The following MFN1 variants were observed in gnomAD, a reference collection of about 807,000 sequenced individuals.
MFN1 encodes mitofusin-1.
Under a neutral mutation model 92.4 loss-of-function variants are expected in MFN1, and 65 were observed. The ratio of observed to expected loss-of-function variants is 0.70; its 90% CI spans 0.58 to 0.86. The LOEUF (loss-of-function observed/expected upper bound fraction) is 0.86, where lower values mean the gene tolerates loss of function less well. Among genes scored for constraint, MFN1 ranks in the 40% least tolerant of loss-of-function variants. MFN1 has a pLI of 0.00. For missense variants in MFN1, 781 were observed against 868.0 expected (o/e 0.90, Z 1.26); for synonymous variants, 297 against 300.9 (o/e 0.99, Z 0.13).
rs544530685 is a variant in MFN1 at position 179,381,156 on chromosome 3, T to C, written c.1662+2342T>C. 2.1e-3 allele frequency among the ~76,000 whole-genome samples: 313 copies of C among 152,304 alleles called. 1 individual carries two copies. The highest frequency in any genetic ancestry group is 3.3e-3 in the Non-Finnish European group (225 of 68,016). On this transcript the variant is annotated intron_variant, in intron 14 of 17. Transcript: ENST00000471841. The stretch of plus-strand genomic sequence containing the variant: ...GAACAACTGCCTATAGGCAGCATGG[T>C]GATGGGCTTATTGAAGCACTAGAGC...
At chr3:179,374,836 C>CAAG (rs1713176346) in intron 9 of MFN1, among the ~76,000 whole-genome samples, 1 of 152,070 alleles carries the variant, frequency 6.6e-6, no homozygotes, top group Admixed American at 6.6e-5. Context: ...TAGGTTATAT[C>CAAG]TTTTGCAAGT....
intron 9 of MFN1, among the ~76,000 whole-genome samples, chr3:179,370,736 T>C (rs1712991961): frequency 6.6e-6 from 1 of 152,196 alleles, no homozygotes. Flanking sequence ...ATTGTTTACG[T>C]TGAAGATGCA....
intron 12 of MFN1, 54 bp downstream of exon 12, chr3:179,377,502 C>T (rs957156570): frequency 1.8e-6 from 2 of 1,083,548 alleles, no homozygotes; most frequent in Non-Finnish European, 2.7e-6. Context: ...TTATTCTATA[C>T]CCTCATTTAT....
Position 179,379,331 on chromosome 3 carries a change from T to C in MFN1, c.1662+517T>C, listed in dbSNP as rs76482410. 7.5e-3 allele frequency among the ~76,000 whole-genome samples: 1,142 copies of C among 152,304 alleles called. 5 individuals carry two copies. Among genetic ancestry groups the C allele is most frequent in the Middle Eastern group, 0.058 (17 of 294 alleles). ...TCCTGTCTTTTCTCTGGTGTAAAGA[T>C]ACTGTTTAAAAAAAATTTTTTTTTG... On this transcript the variant is annotated intron_variant, in intron 14 of 17. Transcript: ENST00000471841.
At chr3:179,381,916 ACT>A (rs1713482540) in intron 14 of MFN1, among the ~76,000 whole-genome samples, 1 of 152,178 alleles carries the variant, frequency 6.6e-6, no homozygotes, top group Non-Finnish European at 1.5e-5. Context: ...GATAAGGGAC[ACT>A]CAACCTGTAG....
At chr3:179,375,852 G>A (rs1000127519) in intron 10 of MFN1, among the ~76,000 whole-genome samples, 1 of 152,214 alleles carries the variant, frequency 6.6e-6, no homozygotes, top group East Asian at 1.9e-4. Context: ...TATACTGTAC[G>A]GCATTATTTT....
At chr3:179,359,419 CTTTTTTT>C (rs769518082) in intron 4 of MFN1, among the ~76,000 whole-genome samples, 1 of 124,798 alleles carries the variant, frequency 8.0e-6, no homozygotes, top group African/African-American at 3.3e-5. Flanking sequence ...TGCACCCGGC[CTTTTTTT>C]TTTTTTTTTT....
intron 5 of MFN1, among the ~76,000 whole-genome samples, chr3:179,363,099 A>G (rs751910975): frequency 2.6e-5 from 4 of 152,132 alleles, no homozygotes; most frequent in Non-Finnish European, 5.9e-5. Context: ...AGTGAAAAAT[A>G]ATTGATTTTT....
chr3:179,349,892 C>G (rs1712076274), intron 2 of MFN1, among the ~76,000 whole-genome samples: 2 of 152,094 alleles, frequency 1.3e-5, no homozygotes, highest in Admixed American at 6.5e-5. Context: ...TGACTCACAC[C>G]TGTAATCCCA....
chr3:179,378,753 G>T lies in MFN1; in HGVS notation c.1601G>T (p.Arg534Leu). 2.5e-6 allele frequency: 4 copies of T among 1,613,986 alleles called. No homozygotes were observed. Among genetic ancestry groups the T allele is most frequent in the Non-Finnish European group, 3.4e-6 (4 of 1,179,928 alleles). Residue 534 changes from arginine to leucine, a missense_variant, in exon 14 of 18, where the codon CGA becomes CTA. Coordinates refer to ENST00000471841, the MANE Select transcript of MFN1 (RefSeq NM_033540.3). ...CTGGGCTGGTCTTCCCTTGTACATC[G>T]ATTTTTGGGCCCTAGAAATGCTCAA... Reference protein sequence around the residue: ...FSLGWSSLVHRFLGPRNAQRV... With the variant: ...FSLGWSSLVHLFLGPRNAQRV...
In MFN1 at chr3:179,392,108, A is replaced by C; in HGVS notation, c.*49A>C. ...ATGATAGGAGGAAACGAAACTTGTA[A>C]GATTGGAACAGTTGTTATTTTTATG... On this transcript the variant is annotated 3_prime_UTR_variant, in exon 18 of 18. Transcript: ENST00000471841. 8.6e-7 allele frequency: 1 copy of C among 1,156,422 alleles called. No homozygotes were observed. Among genetic ancestry groups the C allele is most frequent in the South Asian group, 1.3e-5 (1 of 76,976 alleles). 71.6% of individuals were successfully genotyped at this position (1,156,422 alleles called of 1,614,324 possible).
At chr3:179,390,349 C>T (rs571616235) in intron 17 of MFN1, among the ~76,000 whole-genome samples, 2 of 152,228 alleles carry the variant, frequency 1.3e-5, no homozygotes, top group South Asian at 2.1e-4. Flanking sequence ...TGCAGTTTCA[C>T]TGAAGGCTAA....
chr3:179,382,287 G>A (rs1328136633), intron 14 of MFN1, among the ~76,000 whole-genome samples: 31 of 152,014 alleles, frequency 2.0e-4, no homozygotes. Flanking sequence ...TGTTCTCATT[G>A]TTCAATTCCC....
At chr3:179,350,528 T>C (rs1401896938) in intron 2 of MFN1, among the ~76,000 whole-genome samples, 1 of 152,220 alleles carries the variant, frequency 6.6e-6, no homozygotes, top group African/African-American at 2.4e-5. Context: ...AGATCATGCA[T>C]CATGCTAGGC....
chr3:179,351,321 C>T (rs771764210), intron 2 of MFN1, among the ~76,000 whole-genome samples: 5 of 152,132 alleles, frequency 3.3e-5, no homozygotes, highest in African/African-American at 4.8e-5. Context: ...CTGATGAGAT[C>T]GAGTGCATTC....
chr3:179,379,793 T>A (rs2108551144), intron 14 of MFN1, among the ~76,000 whole-genome samples: 1 of 152,318 alleles, frequency 6.6e-6, no homozygotes, highest in East Asian at 1.9e-4. Context: ...AGAAACTTCT[T>A]ACAGAAGAAT....
intron 4 of MFN1, among the ~76,000 whole-genome samples, chr3:179,361,375 G>T (rs891310081): frequency 6.6e-6 from 1 of 152,178 alleles, no homozygotes; most frequent in African/African-American, 2.4e-5. Flanking sequence ...TGCATTGTGT[G>T]ATGGATAGGT....
At position 179,392,214 on chromosome 3, in the gene MFN1, G is replaced by C. The variant is rs565171509; in HGVS notation, c.*155G>C. 2.0e-6 allele frequency: 1 copy of C among 508,206 alleles called. No homozygotes were observed. Among genetic ancestry groups the C allele is most frequent in the Non-Finnish European group, 3.5e-6 (1 of 283,588 alleles). 31.5% of individuals were successfully genotyped at this position (508,206 alleles called of 1,614,324 possible). ...AGATTCTGGTAATGATCTGTCTCAG[G>C]GTATGTGTATTTTTGAAGAGTGTTA... On this transcript the variant is annotated 3_prime_UTR_variant, in exon 18 of 18. Transcript: ENST00000471841.
In MFN1 at chr3:179,385,667, A is replaced by T; in HGVS notation, c.1761A>T (p.Gly587=). The T allele has an allele frequency of 4.3e-6, 7 of 1,613,922 alleles. No homozygotes were observed. The highest frequency in any genetic ancestry group is 5.9e-6 in the Non-Finnish European group (7 of 1,179,902). Reference sequence around the variant, plus strand: ...AACTCATGATTACATTAGTAACAGGATTGGCGTCCGTTACATCTAGAACTT... The same window carrying T: ...AACTCATGATTACATTAGTAACAGGTTTGGCGTCCGTTACATCTAGAACTT... ...QEELMITLVT[G]LASVTSRTSM... is the part of the protein sequence containing the mutation. The change falls in exon 15 of 18, where the codon GGA becomes GGT. Residue 587 remains glycine (G), a synonymous_variant. Transcript: ENST00000471841.
Sources: gnomAD v4.1 joint callset for allele counts (sites outside exome capture counted in the v4.1 genomes callset) on GRCh38, gnomAD v4.1.1 for gene constraint, MANE v1.5 for transcripts, NCBI Gene and HGNC (gene_info 2026-07-23, HGNC 2026-07-21) for gene names.